Variants in PCDH15 observed in about 807,000 individuals in gnomAD.
PCDH15 encodes protocadherin-15.
In PCDH15, 129 loss-of-function variants were observed where a neutral mutation model predicts 178.5. The ratio of observed to expected loss-of-function variants is 0.72; its 90% CI spans 0.63 to 0.84. The LOEUF (loss-of-function observed/expected upper bound fraction) is 0.84. Ranked by LOEUF, PCDH15 falls within the 40% of genes least tolerant of loss-of-function variation. The pLI is 0.00. For missense variants in PCDH15, 2,230 were observed against 2,099.9 expected (o/e 1.06, Z -1.21); for synonymous variants, 800 against 732.0 (o/e 1.09, Z -1.50).
At chr10:55,410,023 T>C (rs1838294253) in intron 2 of PCDH15, among the ~76,000 whole-genome samples, 1 of 152,104 alleles carries the variant, frequency 6.6e-6, no homozygotes, top group African/African-American at 2.4e-5. Flanking sequence ...TTTTAGAAAA[T>C]GTGTTTAAAG....
At chr10:54,528,391 C>T (rs752370189) in intron 2 of PCDH15, 1 of 1,576,594 alleles carries the variant, frequency 6.3e-7, no homozygotes, top group Non-Finnish European at 8.6e-7. Flanking sequence ...ATCTTACCCT[C>T]ATATTGCCAG....
chr10:53,985,135 A>G (rs1037091678), intron 21 of PCDH15, among the ~76,000 whole-genome samples: 1 of 152,248 alleles, frequency 6.6e-6, no homozygotes, highest in African/African-American at 2.4e-5. Context: ...TTGCTATTGC[A>G]GAACAGTGAG....
At chr10:54,234,810 C>T (rs1182290203) in intron 9 of PCDH15, among the ~76,000 whole-genome samples, 4 of 152,198 alleles carry the variant, frequency 2.6e-5, no homozygotes, top group Non-Finnish European at 5.9e-5. Context: ...CACTATCCTA[C>T]GGTTGTAGGC....
chr10:53,823,368 A>C lies in PCDH15; in HGVS notation c.4368-3138T>G, dbSNP rs1270575255. The C allele has an allele frequency of 2.5e-6, 4 of 1,608,986 alleles. No individual in the cohort carries two copies. Among genetic ancestry groups the C allele is most frequent in the South Asian group, 2.2e-5 (2 of 90,964 alleles). The stretch of plus-strand genomic sequence containing the variant: ...GTAGAGAAGGAAAAGACTTGAAAGA[A>C]AAGAAGATAATGAAATGTAAGGAAA... On this transcript the variant is annotated intron_variant, in intron 32 of 37. Coordinates refer to ENST00000644397, the MANE Select transcript of PCDH15 (RefSeq NM_001384140.1).
chr10:54,635,440 G>A (rs1035497569), intron 2 of PCDH15, among the ~76,000 whole-genome samples: 1 of 151,260 alleles, frequency 6.6e-6, no homozygotes, highest in Non-Finnish European at 1.5e-5. Flanking sequence ...TTTACAATCT[G>A]TACTGTCACC....
At chr10:55,411,517 CT>C (rs1349917586) in intron 2 of PCDH15, among the ~76,000 whole-genome samples, 1 of 152,056 alleles carries the variant, frequency 6.6e-6, no homozygotes. Flanking sequence ...ACTTCTGCCC[CT>C]AAACTACTAT....
chr10:54,800,544 A>C (rs988053241), intron 1 of PCDH15, among the ~76,000 whole-genome samples: 2 of 152,190 alleles, frequency 1.3e-5, no homozygotes, highest in South Asian at 4.1e-4. Flanking sequence ...ACAGAAAAAC[A>C]AAAAGTCAAT....
intron 15 of PCDH15, among the ~76,000 whole-genome samples, chr10:54,099,297 G>A (rs1257875465): frequency 6.6e-6 from 1 of 151,752 alleles, no homozygotes; most frequent in Non-Finnish European, 1.5e-5. Flanking sequence ...TCGGGAGATC[G>A]AGACCATCCT....
intron 2 of PCDH15, among the ~76,000 whole-genome samples, chr10:54,648,989 G>A (rs1227824110): frequency 6.6e-6 from 1 of 152,106 alleles, no homozygotes; most frequent in Non-Finnish European, 1.5e-5. Flanking sequence ...ATTGTTCAAT[G>A]AAGAAACATA....
At chr10:53,973,453 T>A (rs1348816824) in intron 21 of PCDH15, among the ~76,000 whole-genome samples, 3 of 152,014 alleles carry the variant, frequency 2.0e-5, no homozygotes, top group Non-Finnish European at 4.4e-5. Context: ...AAAAATAAAT[T>A]AAAAAAACAA....
chr10:54,751,862 G>C (rs1946273990), intron 1 of PCDH15, among the ~76,000 whole-genome samples: 1 of 152,054 alleles, frequency 6.6e-6, no homozygotes, highest in Non-Finnish European at 1.5e-5. Flanking sequence ...AAAACTTTTT[G>C]ACTAAAAGGC....
rs1841072937 is a variant in PCDH15, at chr10:53,805,150, A to G, written c.*1429T>C. On this transcript the variant is annotated 3_prime_UTR_variant, in exon 38 of 38. Transcript: ENST00000644397. ...AATAATAAACAATTTTTAAGACGCG[A>G]AACATGTAAGAGGGGAATAAATAAT... is the stretch of plus-strand genomic sequence containing the variant. 2 of 152,068 alleles carry G rather than the reference A, an allele frequency of 1.3e-5. No individual in the cohort carries two copies. The allele number at this position is 152,068 out of a possible 1,614,324, so 9.4% of individuals were successfully genotyped here. A position where few individuals can be genotyped will look rare whatever the true frequency, so the allele number is the denominator to read the frequency against.
chr10:54,344,350 G>A lies in PCDH15; in HGVS notation c.594+2015C>T, dbSNP rs552886270. On this transcript the variant is annotated intron_variant, in intron 6 of 37. Coordinates refer to ENST00000644397, the MANE Select transcript of PCDH15 (RefSeq NM_001384140.1). ...TAAGAGTTACATATTATATTGTACA[G>A]CAAACCTACACTTCCCTGGAATGGG... is the stretch of plus-strand genomic sequence containing the variant. Among the ~76,000 whole-genome samples, 156 of 152,196 alleles carry A rather than the reference G, an allele frequency of 1.0e-3. No individual in the cohort carries two copies. In the Middle Eastern group the frequency reaches 0.02, roughly 20 times the overall value.
At chr10:55,623,791 T>C (rs1443568642) in intron 2 of PCDH15, among the ~76,000 whole-genome samples, 1 of 151,460 alleles carries the variant, frequency 6.6e-6, no homozygotes, top group African/African-American at 2.4e-5. Flanking sequence ...CACCTTCTAA[T>C]AGATATCCAT....
At chr10:54,588,849 T>A (rs55666127) in intron 2 of PCDH15, among the ~76,000 whole-genome samples, 3 of 152,098 alleles carry the variant, frequency 2.0e-5, no homozygotes, top group African/African-American at 7.2e-5. Context: ...GCTGGTATTA[T>A]AGGCATAAGC....
chr10:53,866,692 TAACTTGA>T lies in PCDH15; in HGVS notation c.3660_3666del (p.Phe1220LeufsTer11), dbSNP rs1564639645. On this transcript the variant is annotated frameshift_variant, in exon 27 of 38. Coordinates refer to ENST00000644397, the MANE Select transcript of PCDH15 (RefSeq NM_001384140.1). LOFTEE classifies it high-confidence loss of function. ...CCCTTCCCATAGTCGTCAGTTGCAA[TAACTTGA>T]AACTTGAAGTAGGATCTCCTCATAT... 6.2e-7 allele frequency: 1 copy of T among 1,613,654 alleles called. No homozygotes were observed. Among genetic ancestry groups the T allele is most frequent in the Non-Finnish European group, 8.5e-7 (1 of 1,179,696 alleles).
At chr10:54,273,683 A>G (rs1294768529) in intron 8 of PCDH15, among the ~76,000 whole-genome samples, 1 of 152,178 alleles carries the variant, frequency 6.6e-6, no homozygotes, top group Non-Finnish European at 1.5e-5. Flanking sequence ...CTTCAAAAGT[A>G]TAGCCCCAGA....
At chr10:54,421,058 A>G (rs1955216702) in intron 3 of PCDH15, among the ~76,000 whole-genome samples, 1 of 151,994 alleles carries the variant, frequency 6.6e-6, no homozygotes, top group Non-Finnish European at 1.5e-5. Flanking sequence ...GCTTTCTACC[A>G]TTTTCAGTTA....
chr10:54,175,302 G>T (rs924364832), intron 13 of PCDH15, among the ~76,000 whole-genome samples: 1 of 152,046 alleles, frequency 6.6e-6, no homozygotes, highest in Admixed American at 6.5e-5. Context: ...ATTAAAATAC[G>T]ATGTAGTTTT....
Sources: allele counts gnomAD v4.1 joint callset (sites outside exome capture counted in the v4.1 genomes callset), GRCh38; gene constraint gnomAD v4.1.1; transcripts MANE v1.5; gene names NCBI Gene and HGNC (gene_info 2026-07-23, HGNC 2026-07-21).